The following RBFOX1 variants were observed in gnomAD, a reference collection of about 807,000 sequenced individuals.
RBFOX1 encodes the protein RNA binding protein fox-1 homolog 1.
RBFOX1 carries 8 observed loss-of-function variants against 57.7 expected under a neutral mutation model. The observed-to-expected ratio is 0.14, with a 90% confidence interval of 0.08 to 0.25. The LOEUF (loss-of-function observed/expected upper bound fraction) is 0.25. RBFOX1 is among the 10% of genes least tolerant of loss of function. The pLI, the probability that RBFOX1 is intolerant of heterozygous loss-of-function variation, is 1.00. For synonymous variants in RBFOX1, 326 were observed against 222.4 expected, an observed-to-expected ratio of 1.47 and a Z score of -4.15; for missense variants, 611 against 548.5, an observed-to-expected ratio of 1.11 and a Z score of -1.14.
intron 4 of RBFOX1, among the ~76,000 whole-genome samples, chr16:7,197,423 C>G (rs376030877): frequency 7.8e-6 from 1 of 128,360 alleles, no homozygotes; most frequent in African/African-American, 3.2e-5. Flanking sequence ...GGGAGAGAGC[C>G]TAAAAACCTG....
chr16:7,214,175 C>A (rs773145874), intron 4 of RBFOX1, among the ~76,000 whole-genome samples: 2 of 152,120 alleles, frequency 1.3e-5, no homozygotes, highest in African/African-American at 4.8e-5. Flanking sequence ...TCTAATGAAG[C>A]CACAGTAGAC....
chr16:6,758,413 A>G (rs1252595738), intron 3 of RBFOX1, among the ~76,000 whole-genome samples: 1 of 152,168 alleles, frequency 6.6e-6, no homozygotes. Context: ...TTGTCATAGC[A>G]ACGGGTGCTA....
intron 3 of RBFOX1, among the ~76,000 whole-genome samples, chr16:5,662,972 G>T (rs1199885110): frequency 6.6e-6 from 1 of 152,206 alleles, no homozygotes; most frequent in Non-Finnish European, 1.5e-5. Flanking sequence ...ATGATTATCT[G>T]TAGTGGGGTT....
chr16:7,413,148 C>G (rs187675062), intron 4 of RBFOX1, among the ~76,000 whole-genome samples: 41 of 152,230 alleles, frequency 2.7e-4, no homozygotes, highest in Non-Finnish European at 5.3e-4. Context: ...AAATGTAGGT[C>G]ACAAGCCTCC....
intron 1 of RBFOX1, chr16:6,059,253 G>A (rs1253299407): frequency 1.3e-5 from 2 of 152,056 alleles, no homozygotes; most frequent in South Asian, 4.1e-4. Flanking sequence ...CAAAACAAAA[G>A]GTGAGCAATT....
intron 3 of RBFOX1, among the ~76,000 whole-genome samples, chr16:6,681,865 C>G (rs954469396): frequency 1.3e-5 from 2 of 152,270 alleles, no homozygotes; most frequent in Non-Finnish European, 2.9e-5. Context: ...GAGTGTCAAT[C>G]CAGTAAATCT....
intron 2 of RBFOX1, among the ~76,000 whole-genome samples, chr16:5,474,745 G>A (rs1240066194): frequency 6.6e-6 from 1 of 152,152 alleles, no homozygotes; most frequent in Non-Finnish European, 1.5e-5. Context: ...GTAGCATGGG[G>A]TTCTTTATTT....
chr16:5,479,823 C>T (rs1397840090), intron 2 of RBFOX1, among the ~76,000 whole-genome samples: 2 of 151,570 alleles, frequency 1.3e-5, no homozygotes, highest in African/African-American at 4.8e-5. Context: ...TCAGACGTGT[C>T]CTTGGACTTC....
rs115421221 is a variant in RBFOX1 at position 7,688,498 on chromosome 16, T to A, written c.995+11660T>A. ...ACCAAAAGTTTTCTCTGACTTGATA[T>A]CTAGCATCTCATGTCCCCTCCAGCA... is the stretch of plus-strand genomic sequence containing the variant. On this transcript the variant is annotated intron_variant, in intron 14 of 15. Transcript: ENST00000550418. 8.7e-3 allele frequency among the ~76,000 whole-genome samples: 1,320 copies of A among 152,148 alleles called. 19 individuals carry two copies. Among genetic ancestry groups the A allele is most frequent in the African/African-American group, 0.031 (1,271 of 41,522 alleles).
intron 1 of RBFOX1, among the ~76,000 whole-genome samples, chr16:5,332,133 C>T (rs913106566): frequency 4.6e-5 from 7 of 152,144 alleles, no homozygotes; most frequent in African/African-American, 1.7e-4. Flanking sequence ...TCTTCTCTAC[C>T]TTTCTCCTTG....
At chr16:6,457,532 C>G (rs183845336) in intron 2 of RBFOX1, among the ~76,000 whole-genome samples, 16 of 150,772 alleles carry the variant, frequency 1.1e-4, no homozygotes, top group African/African-American at 3.4e-4. Context: ...GGCATCTTAA[C>G]TATAACTTTA....
At chr16:5,330,291 A>C (rs952469674) in intron 1 of RBFOX1, among the ~76,000 whole-genome samples, 1 of 152,242 alleles carries the variant, frequency 6.6e-6, no homozygotes, top group Non-Finnish European at 1.5e-5. Context: ...TTTAACTGCT[A>C]TGCTAAGCTC....
intron 3 of RBFOX1, among the ~76,000 whole-genome samples, chr16:6,694,300 A>T (rs1445154444): frequency 6.6e-6 from 1 of 152,174 alleles, no homozygotes; most frequent in African/African-American, 2.4e-5. Flanking sequence ...TGTCTTATTT[A>T]TCTTGACAAA....
intron 4 of RBFOX1, among the ~76,000 whole-genome samples, chr16:7,216,319 T>G (rs1226393884): frequency 4.3e-5 from 6 of 138,128 alleles, no homozygotes; most frequent in Non-Finnish European, 9.6e-5. Context: ...TTGACTTGTC[T>G]AAGCCACTGT....
chr16:7,174,838 G>C (rs571926066), intron 4 of RBFOX1, among the ~76,000 whole-genome samples: 5 of 152,070 alleles, frequency 3.3e-5, no homozygotes, highest in Non-Finnish European at 5.9e-5. Flanking sequence ...AAGCGGTTGC[G>C]TTATTCAATA....
intron 1 of RBFOX1, among the ~76,000 whole-genome samples, chr16:5,456,855 C>T (rs1466282143): frequency 6.6e-6 from 1 of 152,208 alleles, no homozygotes; most frequent in East Asian, 1.9e-4. Flanking sequence ...CCCGCCTTGC[C>T]TCAAGCCACT....
At chr16:7,563,939 G>A (rs62009931) in intron 5 of RBFOX1, among the ~76,000 whole-genome samples, 1 of 151,976 alleles carries the variant, frequency 6.6e-6, no homozygotes, top group Non-Finnish European at 1.5e-5. Context: ...TAGGTGCTCA[G>A]TAAATATATT....
intron 3 of RBFOX1, among the ~76,000 whole-genome samples, chr16:5,737,481 A>G (rs1005219916): frequency 7.6e-5 from 11 of 144,596 alleles, no homozygotes; most frequent in African/African-American, 2.8e-4. Flanking sequence ...GTGAGACTCC[A>G]TCTCAAAAAT....
At chr16:6,895,418 ATGTGTGTGTGTGTGTG>A (rs139075559) in intron 3 of RBFOX1, among the ~76,000 whole-genome samples, 3 of 86,930 alleles carry the variant, frequency 3.5e-5, no homozygotes, top group African/African-American at 8.9e-5. Context: ...TTAGTAATAT[ATGTGTGTGTGTGTGTG>A]TGTGTGTGTG....
Sources: allele counts gnomAD v4.1 joint callset (sites outside exome capture counted in the v4.1 genomes callset), GRCh38; gene constraint gnomAD v4.1.1; transcripts MANE v1.5; gene names NCBI Gene and HGNC (gene_info 2026-07-23, HGNC 2026-07-21).